The following MKRN2OS variants were observed in gnomAD, a reference collection of about 807,000 sequenced individuals.
The protein encoded by MKRN2OS is MKRN2 opposite strand protein.
MKRN2OS carries 17 observed loss-of-function variants against 18.2 expected under a neutral mutation model. The ratio of observed to expected loss-of-function variants is 0.93; its 90% CI spans 0.64 to 1.40. MKRN2OS has a LOEUF of 1.40. MKRN2OS is among the 40% of genes most tolerant of loss of function. The probability of loss-of-function intolerance (pLI) is 0.00; values close to 1 mark genes in which losing one functional copy is unlikely to be tolerated. For missense variants in MKRN2OS, 337 were observed against 283.0 expected, an observed-to-expected ratio of 1.19 and a Z score of -1.37; for synonymous variants, 121 against 108.5, an observed-to-expected ratio of 1.12 and a Z score of -0.72.
chr3:12,550,513 A>C (rs555348085), downstream of MKRN2OS, among the ~76,000 whole-genome samples: 1 of 152,330 alleles, frequency 6.6e-6, no homozygotes, highest in South Asian at 2.1e-4. Flanking sequence ...AAACCCATAG[A>C]GTAAGCCTGG....
Position 12,541,934 on chromosome 3 carries a change from G to T in MKRN2OS, c.357C>A (p.Asn119Lys). Residue 119 changes from asparagine (N) to lysine (K), a missense_variant, in exon 3 of 4, where the codon AAC becomes AAA. Asn to Lys is a moderately conservative substitution (Grantham distance 94). Coordinates refer to ENST00000564146, the MANE Select transcript of MKRN2OS (RefSeq NM_001195279.2). ...ESISIPLLQP[N>K]MYGMMEQWDK... ...CCCATTGCTCCATCATTCCATACAT[G>T]TTGGGCTGCAGTAATGGGATGCTTA... 6.5e-7 allele frequency: 1 copy of T among 1,536,084 alleles called. No homozygotes were observed. The highest frequency in any genetic ancestry group is 8.7e-7 in the Non-Finnish European group (1 of 1,146,900).
chr3:12,542,037 C>T lies in MKRN2OS; in HGVS notation c.269-15G>A. On this transcript the variant is annotated splice_polypyrimidine_tract_variant and intron_variant, in intron 2 of 3. Coordinates refer to ENST00000564146, the MANE Select transcript of MKRN2OS (RefSeq NM_001195279.2). ...ATACACAACCCCTGCAAATCAAAACCAAAGTCATGTGGAGCCCCAAGGAAA... is the reference window on the plus strand; with the variant it reads ...ATACACAACCCCTGCAAATCAAAACTAAAGTCATGTGGAGCCCCAAGGAAA... The T allele has an allele frequency of 6.5e-7, 1 of 1,528,640 alleles. No individual in the cohort carries two copies. The allele number at this position is 1,528,640 out of a possible 1,614,324, so 94.7% of individuals were successfully genotyped here.
chr3:12,557,705 C>T (rs1204289431), intron 1 of MKRN2OS, among the ~76,000 whole-genome samples: 1 of 152,230 alleles, frequency 6.6e-6, no homozygotes, highest in Non-Finnish European at 1.5e-5. Context: ...TTGTGAATAT[C>T]GGCGAAGCGC....
intron 3 of MKRN2OS, among the ~76,000 whole-genome samples, chr3:12,541,116 A>C (rs1036452490): frequency 6.6e-6 from 1 of 152,082 alleles, no homozygotes; most frequent in African/African-American, 2.4e-5. Context: ...AAATAATTTA[A>C]ATCCACAAAC....
At chr3:12,541,419 A>G (rs1322444183) in intron 3 of MKRN2OS, among the ~76,000 whole-genome samples, 1 of 151,988 alleles carries the variant, frequency 6.6e-6, no homozygotes, top group Non-Finnish European at 1.5e-5. Flanking sequence ...GGGTTTTACC[A>G]TGTTGTCCAG....
intron 2 of MKRN2OS, 96 bp downstream of exon 2, chr3:12,543,084 A>C: frequency 1.0e-6 from 1 of 980,552 alleles, no homozygotes; most frequent in South Asian, 1.5e-5. Context: ...GAACAATGGA[A>C]TCACTTATTA....
At chr3:12,551,535 A>C (rs529092293), downstream of MKRN2OS, among the ~76,000 whole-genome samples, 1 of 152,268 alleles carries the variant, frequency 6.6e-6, no homozygotes, top group African/African-American at 2.4e-5. Context: ...AAAAAACTGT[A>C]GAATAATGGA....
At chr3:12,557,022 A>AGGGGCGGCGTGCGCCGGCGT in intron 1 of MKRN2OS, 1 of 988,524 alleles carries the variant, frequency 1.0e-6, no homozygotes, top group South Asian at 3.2e-5. Context: ...GCCACACCGG[A>AGGGGCGGCGTGCGCCGGCGT]GGGGCGGCGT....
At chr3:12,542,893 G>A (rs1052755826) in intron 2 of MKRN2OS, among the ~76,000 whole-genome samples, 2 of 152,026 alleles carry the variant, frequency 1.3e-5, no homozygotes, top group African/African-American at 2.4e-5. Flanking sequence ...AATCTCACTG[G>A]ACATCTATTT....
chr3:12,540,647 G>A (rs539141894), intron 3 of MKRN2OS, among the ~76,000 whole-genome samples: 4 of 152,212 alleles, frequency 2.6e-5, no homozygotes, highest in African/African-American at 9.6e-5. Context: ...GCGAGGGTGG[G>A]AGGATCACTT....
intron 2 of MKRN2OS, among the ~76,000 whole-genome samples, chr3:12,542,726 A>AG (rs2057832329): frequency 2.3e-5 from 3 of 132,974 alleles, no homozygotes; most frequent in African/African-American, 1.0e-4. Context: ...AAAAAAAAAA[A>AG]AAAAAAAACA....
At chr3:12,550,066 T>C (rs576012395), upstream of MKRN2OS, among the ~76,000 whole-genome samples, 64 of 152,270 alleles carry the variant, frequency 4.2e-4, no homozygotes, top group Admixed American at 1.3e-3. Context: ...ACTCTTACAA[T>C]ATGACCCAGA....
At chr3:12,545,841 C>G (rs1359906583), upstream of MKRN2OS, among the ~76,000 whole-genome samples, 1 of 152,206 alleles carries the variant, frequency 6.6e-6, no homozygotes, top group Non-Finnish European at 1.5e-5. Context: ...GGGTCTCACT[C>G]TGTCACCCAA....
chr3:12,559,628 C>T (rs2125298822), intron 1 of MKRN2OS, among the ~76,000 whole-genome samples: 1 of 152,112 alleles, frequency 6.6e-6, no homozygotes. Flanking sequence ...CAAAGACACT[C>T]CATGTTTTTA....
At chr3:12,540,485 T>C in intron 3 of MKRN2OS, 52 bp from the exon 4 acceptor site, 2 of 1,533,472 alleles carry the variant, frequency 1.3e-6, no homozygotes, top group Admixed American at 2.0e-5. Flanking sequence ...CAGAACAGGC[T>C]GTCAAGCTAC....
At position 12,540,399 on chromosome 3, in the gene MKRN2OS, C is replaced by G. The variant is rs766199771; in HGVS notation, c.466G>C (p.Ala156Pro). 12 of 1,535,924 alleles carry G rather than the reference C, an allele frequency of 7.8e-6. No individual in the cohort carries two copies. In the African/African-American group the frequency reaches 1.1e-4, roughly 14 times the overall value. ...EDNHHNCYSYALTFINCVLMA... is the reference protein window; with the variant it reads ...EDNHHNCYSYPLTFINCVLMA... Reference sequence around the variant, plus strand: ...AGAACGCAGTTAATGAACGTGAGTGCGTAAGAGTAGCAGTTATGGTGGTTG... The same window carrying G: ...AGAACGCAGTTAATGAACGTGAGTGGGTAAGAGTAGCAGTTATGGTGGTTG... Residue 156 changes from alanine to proline, a missense_variant, in exon 4 of 4, where the codon GCA becomes CCA. Coordinates refer to ENST00000564146, the MANE Select transcript of MKRN2OS (RefSeq NM_001195279.2).
chr3:12,553,016 CAAAAAAA>C (rs371579378), downstream of MKRN2OS, among the ~76,000 whole-genome samples: 71 of 101,970 alleles, frequency 7.0e-4, 1 homozygote, highest in East Asian at 0.015. Flanking sequence ...ACCCGGTCTC[CAAAAAAA>C]AAAAAAAAAA....
At chr3:12,557,243 G>C in intron 1 of MKRN2OS, 3 of 1,510,328 alleles carry the variant, frequency 2.0e-6, no homozygotes, top group South Asian at 2.5e-5. Flanking sequence ...GTGCGCGCCA[G>C]TGCTGTGGTC....
Position 12,540,085 on chromosome 3 carries a change from C to T in MKRN2OS, c.*108G>A. 2 of 1,454,574 alleles carry T rather than the reference C, an allele frequency of 1.4e-6. No individual in the cohort carries two copies. Among genetic ancestry groups the T allele is most frequent in the Non-Finnish European group, 1.8e-6 (2 of 1,086,196 alleles). The allele number at this position is 1,454,574 out of a possible 1,614,324, so 90.1% of individuals were successfully genotyped here. On this transcript the variant is annotated 3_prime_UTR_variant, in exon 4 of 4. Transcript: ENST00000564146. ...CAGGTGTGAGCCACCATGCCCGGCC[C>T]ATACACGCTTTTATTAACCACAGTT...
Sources: gnomAD v4.1 joint callset for allele counts (sites outside exome capture counted in the v4.1 genomes callset) on GRCh38, gnomAD v4.1.1 for gene constraint, MANE v1.5 for transcripts, NCBI Gene and HGNC (gene_info 2026-07-23, HGNC 2026-07-21) for gene names.